Variants in ABHD12B observed in about 807,000 individuals in gnomAD.
ABHD12B encodes abhydrolase domain containing 12B.
Under a neutral mutation model 50.4 loss-of-function variants are expected in ABHD12B, and 42 were observed. The observed-to-expected ratio is 0.83, with a 90% CI of 0.65 to 1.08. The LOEUF (loss-of-function observed/expected upper bound fraction) is 1.08. ABHD12B is among the 50% of genes least tolerant of loss of function. The pLI, the probability that ABHD12B is intolerant of heterozygous loss-of-function variation, is 0.00. For synonymous variants in ABHD12B, 167 were observed against 160.3 expected, an observed-to-expected ratio of 1.04 and a Z score of -0.32; for missense variants, 479 against 447.7, an observed-to-expected ratio of 1.07 and a Z score of -0.63.
At chr14:50,897,791 T>C (rs2050215656) in intron 9 of ABHD12B, among the ~76,000 whole-genome samples, 1 of 152,228 alleles carries the variant, frequency 6.6e-6, no homozygotes, top group Non-Finnish European at 1.5e-5. Flanking sequence ...CACAGGGTTG[T>C]TGTGAAGACT....
At chr14:50,888,444 C>T (rs8009560) in intron 8 of ABHD12B, among the ~76,000 whole-genome samples, 121,572 of 152,052 alleles carry the variant, frequency 0.8, 49,538 homozygotes, top group South Asian at 0.95. Context: ...CCTCGTGATC[C>T]GCCTGCCGTG....
intron 9 of ABHD12B, chr14:50,892,468 T>C (rs1347096884): frequency 2.0e-6 from 2 of 985,170 alleles, no homozygotes; most frequent in Admixed American, 1.2e-4. Flanking sequence ...TCCGCTAAGG[T>C]AGGCAGTGGA....
chr14:50,880,455 C>T lies in ABHD12B; in HGVS notation c.339C>T (p.His113=). The change falls in exon 4 of 13, where the codon CAC becomes CAT. Residue 113 remains histidine, a synonymous_variant. Transcript: ENST00000337334. ...TTAAACCTCCCTTGCTCTTCAGGCACACAGTCCCCAGCTGCCGGGGGGAAG... is the reference window on the plus strand; with the variant it reads ...TTAAACCTCCCTTGCTCTTCAGGCATACAGTCCCCAGCTGCCGGGGGGAAG... ...VEPGVMLGIW[H]TVPSCRGEDA... is the part of the protein sequence containing the mutation. 6.2e-7 allele frequency: 1 copy of T among 1,603,762 alleles called. No homozygotes were observed. The highest frequency in any genetic ancestry group is 8.5e-7 in the Non-Finnish European group (1 of 1,175,760).
rs1292101941 is a variant in ABHD12B, at chr14:50,885,610, C to T, written c.487-4C>T. The T allele has an allele frequency of 1.2e-6, 2 of 1,614,078 alleles. No homozygotes were observed. The highest frequency in any genetic ancestry group is 8.5e-7 in the Non-Finnish European group (1 of 1,179,994). On this transcript the variant is annotated splice_polypyrimidine_tract_variant and splice_region_variant and intron_variant, in intron 5 of 12. Transcript: ENST00000337334. ...AAAGTGATAACAGCTCCTTTGTTAC[C>T]TAGGTGCTGAGTGATGGTGGCTTTC... is the stretch of plus-strand genomic sequence containing the variant.
intron 9 of ABHD12B, among the ~76,000 whole-genome samples, chr14:50,899,486 T>C (rs751080979): frequency 2.0e-5 from 3 of 152,214 alleles, no homozygotes; most frequent in Non-Finnish European, 4.4e-5. Context: ...TTTTTCTTTT[T>C]AAAAAATTGT....
At chr14:50,872,306 C>T in intron 1 of ABHD12B, 28 bp downstream of exon 1, 1 of 1,258,538 alleles carries the variant, frequency 7.9e-7, no homozygotes, top group Non-Finnish European at 1.0e-6. Flanking sequence ...CACCCCTGGC[C>T]GGGCCCCGAC....
chr14:50,902,347 G>C (rs950147063), intron 10 of ABHD12B, among the ~76,000 whole-genome samples: 1 of 152,120 alleles, frequency 6.6e-6, no homozygotes, highest in African/African-American at 2.4e-5. Context: ...AGCCAGGCGT[G>C]GGGGCACGTG....
chr14:50,873,577 C>G (rs1386119159), intron 1 of ABHD12B, among the ~76,000 whole-genome samples: 1 of 152,144 alleles, frequency 6.6e-6, no homozygotes, highest in Non-Finnish European at 1.5e-5. Flanking sequence ...TCTGCAGGGG[C>G]CCAGTCACCT....
In ABHD12B at chr14:50,892,595, G is replaced by A. The variant is rs898356323; in HGVS notation, c.780+3692G>A. ...AATTAATTTTGTCAGTCTTTTCAAA[G>A]AACCAGCTTTGACTTTATCTTCTGT... On this transcript the variant is annotated intron_variant, in intron 9 of 12. Coordinates refer to ENST00000337334, the MANE Select transcript of ABHD12B (RefSeq NM_001206673.2). 2.4e-5 allele frequency: 24 copies of A among 985,044 alleles called. No individual in the cohort carries two copies. In the African/African-American group the frequency reaches 4.0e-4, roughly 16 times the overall value. 61.0% of individuals were successfully genotyped at this position (985,044 alleles called of 1,614,324 possible).
intron 3 of ABHD12B, among the ~76,000 whole-genome samples, chr14:50,879,399 C>T (rs2049908958): frequency 1.3e-5 from 2 of 152,226 alleles, no homozygotes; most frequent in Admixed American, 1.3e-4. Flanking sequence ...ACTATAGCTT[C>T]AGCAGGTGAT....
chr14:50,877,946 T>A lies in ABHD12B; in HGVS notation c.105-6T>A, dbSNP rs2049885112. On this transcript the variant is annotated splice_polypyrimidine_tract_variant and splice_region_variant and intron_variant, in intron 1 of 12. Transcript: ENST00000337334. ...AAAACCTTGTGTGTTTCCCAATACC[T>A]TGCAGATATTTTCCACACTCCTGTT... is the stretch of plus-strand genomic sequence containing the variant. The A allele has an allele frequency of 6.6e-7, 1 of 1,514,480 alleles. No individual in the cohort carries two copies. Among genetic ancestry groups the A allele is most frequent in the South Asian group, 1.3e-5 (1 of 79,430 alleles). 93.8% of individuals were successfully genotyped at this position (1,514,480 alleles called of 1,614,324 possible).
At chr14:50,897,059 T>C (rs2050208887) in intron 9 of ABHD12B, among the ~76,000 whole-genome samples, 1 of 150,014 alleles carries the variant, frequency 6.7e-6, no homozygotes, top group African/African-American at 2.5e-5. Context: ...AATAATATTA[T>C]GATTTAGTTT....
rs569131276 is a variant in ABHD12B, at chr14:50,872,212, A to G, written c.38A>G (p.Glu13Gly). The G allele has an allele frequency of 3.6e-6, 5 of 1,379,814 alleles. No individual in the cohort carries two copies. In the South Asian group the frequency reaches 8.0e-5, roughly 22 times the overall value. 85.5% of individuals were successfully genotyped at this position (1,379,814 alleles called of 1,614,324 possible). A position where few individuals can be genotyped will look rare whatever the true frequency, so the allele number is the denominator to read the frequency against. ...GACTGCCAGGCGGCCGCATCGCCCG[A>G]GCCGCCCGGGCCCCCAGCCCGTAGC... ...AQDCQAAASP[E>G]PPGPPARSCV... Residue 13 changes from glutamate (E) to glycine (G), a missense_variant, in exon 1 of 13, where the codon GAG becomes GGG. Coordinates refer to ENST00000337334, the MANE Select transcript of ABHD12B (RefSeq NM_001206673.2).
chr14:50,888,690 C>T, intron 8 of ABHD12B, 134 bp from the exon 9 acceptor site: 1 of 701,002 alleles, frequency 1.4e-6, no homozygotes, highest in Non-Finnish European at 2.3e-6. Context: ...CAGGAATTTG[C>T]ATTATTAATA....
intron 2 of ABHD12B, among the ~76,000 whole-genome samples, chr14:50,878,501 CTG>C (rs577986853): frequency 1.4e-3 from 206 of 152,342 alleles, no homozygotes; most frequent in Admixed American, 4.4e-3. Context: ...TTGAATAACT[CTG>C]TTTCTCTATT....
intron 8 of ABHD12B, 131 bp from the exon 9 acceptor site, chr14:50,888,690 CATT>C (rs2050074927): frequency 1.4e-6 from 1 of 701,002 alleles, no homozygotes; most frequent in East Asian, 2.8e-5. Context: ...CAGGAATTTG[CATT>C]ATTAATAACC....
At chr14:50,901,603 G>A (rs954614346) in intron 9 of ABHD12B, among the ~76,000 whole-genome samples, 2 of 152,128 alleles carry the variant, frequency 1.3e-5, no homozygotes, top group African/African-American at 4.8e-5. Context: ...TAACAATGAT[G>A]GTCTATGATG....
At chr14:50,888,998 C>T (rs921813735) in intron 9 of ABHD12B, 95 bp downstream of exon 9, 13 of 984,820 alleles carry the variant, frequency 1.3e-5, no homozygotes, top group Non-Finnish European at 1.9e-5. Flanking sequence ...AACAGTCTTC[C>T]TTTTCTTAAG....
At chr14:50,875,078 T>C (rs2049842799) in intron 1 of ABHD12B, among the ~76,000 whole-genome samples, 1 of 152,228 alleles carries the variant, frequency 6.6e-6, no homozygotes, top group African/African-American at 2.4e-5. Flanking sequence ...ATGTTGTTCT[T>C]GTTGTCTGTG....
Sources: allele counts gnomAD v4.1 joint callset (sites outside exome capture counted in the v4.1 genomes callset), GRCh38; gene constraint gnomAD v4.1.1; transcripts MANE v1.5; gene names NCBI Gene and HGNC (gene_info 2026-07-23, HGNC 2026-07-21).